The following SLC5A4 variants were observed in gnomAD, a reference collection of about 807,000 sequenced individuals.
The protein encoded by SLC5A4 is solute carrier family 5 member 4.
A neutral mutation model predicts 70.3 loss-of-function variants in SLC5A4; 55 were observed. The observed-to-expected ratio is 0.78, with a 90% CI of 0.63 to 0.98. SLC5A4 has a LOEUF of 0.98. Among genes scored for constraint, SLC5A4 ranks in the 50% least tolerant of loss-of-function variants. The pLI is 0.00. For synonymous variants in SLC5A4, 268 were observed against 305.7 expected (o/e 0.88, Z 1.29); for missense variants, 735 against 839.2 (o/e 0.88, Z 1.53).
At chr22:32,291,872 TTCTA>T in the SLC5A4 span, among the ~76,000 whole-genome samples, 55 of 104,498 alleles carry the variant, frequency 5.3e-4, no homozygotes, top group South Asian at 4.3e-3. Flanking sequence ...TATTTTTCTT[TTCTA>T]TCTTTTTTTT....
At chr22:32,325,414 G>A in the SLC5A4 span, among the ~76,000 whole-genome samples, 1 of 152,330 alleles carries the variant, frequency 6.6e-6, no homozygotes, top group African/African-American at 2.4e-5. Context: ...GCTGGGCCCT[G>A]GACAAGGTTT....
the SLC5A4 span, among the ~76,000 whole-genome samples, chr22:32,294,041 G>A: frequency 6.6e-6 from 1 of 150,884 alleles, no homozygotes; most frequent in Non-Finnish European, 1.5e-5. Flanking sequence ...CTGCTTTTAA[G>A]GTTTTCTCTT....
chr22:32,279,255 G>C, the SLC5A4 span, among the ~76,000 whole-genome samples: 3 of 152,206 alleles, frequency 2.0e-5, no homozygotes, highest in Admixed American at 1.3e-4. Flanking sequence ...CAGCCTGGGC[G>C]ACAGAGTGAG....
At chr22:32,334,668 C>T in the SLC5A4 span, among the ~76,000 whole-genome samples, 1 of 152,174 alleles carries the variant, frequency 6.6e-6, no homozygotes, top group African/African-American at 2.4e-5. Context: ...AGACTGGAGT[C>T]CCGAAGCTCC....
Position 32,232,962 on chromosome 22 carries a change from G to T in SLC5A4, c.958C>A (p.Leu320Met). The part of the protein sequence containing the change: ...VKAACIMCAY[L>M]KLLPMFLMVM... ...ATGAGGAACATGGGCAGCAGCTTCA[G>T]GTAAGCACACATAATGCAAGCGGCC... The change falls in exon 9 of 15, where the codon CTG (leucine) becomes ATG (methionine). Residue 320 changes from leucine to methionine, a missense_variant. Leu to Met is a conservative substitution (Grantham distance 15, BLOSUM62 2). Transcript: ENST00000266086. The T allele has an allele frequency of 6.2e-7, 1 of 1,614,220 alleles. No individual in the cohort carries two copies. The highest frequency in any genetic ancestry group is 2.2e-5 in the East Asian group (1 of 44,884).
intron 7 of SLC5A4, among the ~76,000 whole-genome samples, chr22:32,236,993 C>T (rs914370036): frequency 2.0e-5 from 3 of 152,094 alleles, no homozygotes; most frequent in African/African-American, 4.8e-5. Context: ...CGTGAGCCAC[C>T]GCGCCCGGCC....
the SLC5A4 span, among the ~76,000 whole-genome samples, chr22:32,317,964 G>C: frequency 7.9e-5 from 12 of 152,236 alleles, no homozygotes; most frequent in African/African-American, 2.9e-4. Context: ...ATTTGCCCTT[G>C]TCAAGGTCAC....
At chr22:32,336,849 CTT>C in the SLC5A4 span, among the ~76,000 whole-genome samples, 1 of 152,232 alleles carries the variant, frequency 6.6e-6, no homozygotes, top group Admixed American at 6.5e-5. Flanking sequence ...GGGGCCTGGC[CTT>C]TTTTGTCTTT....
chr22:32,229,983 A>T (rs1376153711), intron 10 of SLC5A4, among the ~76,000 whole-genome samples: 1 of 152,170 alleles, frequency 6.6e-6, no homozygotes, highest in Non-Finnish European at 1.5e-5. Context: ...AGAGAACTGG[A>T]GAGGAAGAAG....
At chr22:32,220,475 T>C (rs1419220887) in intron 14 of SLC5A4, among the ~76,000 whole-genome samples, 1 of 152,014 alleles carries the variant, frequency 6.6e-6, no homozygotes, top group Non-Finnish European at 1.5e-5. Flanking sequence ...AGAATAAGCA[T>C]TTTTTTTCCC....
chr22:32,341,082 G>A, the SLC5A4 span, among the ~76,000 whole-genome samples: 11 of 152,138 alleles, frequency 7.2e-5, no homozygotes, highest in African/African-American at 2.7e-4. Context: ...CAGCGGGGAC[G>A]TGGATGTGCC....
chr22:32,235,677 C>G (rs1175666180), intron 7 of SLC5A4, among the ~76,000 whole-genome samples: 1 of 151,344 alleles, frequency 6.6e-6, no homozygotes, highest in Admixed American at 6.6e-5. Flanking sequence ...GAGACTCAGC[C>G]TGTTCGGGTC....
At chr22:32,277,582 C>T in the SLC5A4 span, among the ~76,000 whole-genome samples, 1 of 152,138 alleles carries the variant, frequency 6.6e-6, no homozygotes, top group Non-Finnish European at 1.5e-5. Flanking sequence ...GAGTCTCTCT[C>T]TGTTGCCCAG....
At chr22:32,277,769 C>T in the SLC5A4 span, among the ~76,000 whole-genome samples, 2 of 152,256 alleles carry the variant, frequency 1.3e-5, no homozygotes, top group East Asian at 3.9e-4. Flanking sequence ...AAGATGGTCT[C>T]GATCTCCTGA....
chr22:32,354,120 T>A, the SLC5A4 span, among the ~76,000 whole-genome samples: 4,104 of 146,102 alleles, frequency 0.028, 186 homozygotes, highest in African/African-American at 0.099. Flanking sequence ...TACAGACCTC[T>A]GATAGCACCC....
At chr22:32,349,434 C>T in the SLC5A4 span, among the ~76,000 whole-genome samples, 1 of 152,176 alleles carries the variant, frequency 6.6e-6, no homozygotes, top group East Asian at 1.9e-4. Context: ...TCCACCTGTC[C>T]CAGGGCCTTA....
At chr22:32,350,924 A>G in the SLC5A4 span, among the ~76,000 whole-genome samples, 4 of 152,000 alleles carry the variant, frequency 2.6e-5, no homozygotes, top group East Asian at 1.9e-4. Flanking sequence ...AAAAAAGTTC[A>G]TAACAAAGGT....
At chr22:32,253,282 A>G (rs1157928324) in intron 2 of SLC5A4, among the ~76,000 whole-genome samples, 1 of 152,160 alleles carries the variant, frequency 6.6e-6, no homozygotes, top group Non-Finnish European at 1.5e-5. Flanking sequence ...CTGCAGTGGG[A>G]CCCTGGCTGA....
the SLC5A4 span, among the ~76,000 whole-genome samples, chr22:32,281,687 A>G: frequency 6.6e-6 from 1 of 151,994 alleles, no homozygotes; most frequent in South Asian, 2.1e-4. Context: ...CAGGGGTCTC[A>G]TTATGTTGCC....
Sources: gnomAD v4.1 joint callset for allele counts (sites outside exome capture counted in the v4.1 genomes callset) on GRCh38, gnomAD v4.1.1 for gene constraint, MANE v1.5 for transcripts, NCBI Gene and HGNC (gene_info 2026-07-23, HGNC 2026-07-21) for gene names.